GPIHBP1: variants seen among roughly 807,000 people sequenced by gnomAD.
The protein encoded by GPIHBP1 is glycosylphosphatidylinositol anchored high density lipoprotein binding protein 1.
In GPIHBP1, 11 loss-of-function variants were observed where a neutral mutation model predicts 13.0. The ratio of observed to expected loss-of-function variants is 0.84; its 90% CI spans 0.53 to 1.40. The LOEUF (loss-of-function observed/expected upper bound fraction) is 1.40, where lower values mean the gene tolerates loss of function less well. GPIHBP1 is among the 40% of genes most tolerant of loss of function. The pLI is 0.00. For synonymous variants in GPIHBP1, 106 were observed against 102.2 expected, an observed-to-expected ratio of 1.04 and a Z score of -0.22; for missense variants, 231 against 241.1, an observed-to-expected ratio of 0.96 and a Z score of 0.28.
In GPIHBP1 at chr8:143,215,529, C is replaced by CGGG; in HGVS notation, c.*11_*12insGGG. On this transcript the variant is annotated 3_prime_UTR_variant, in exon 4 of 4. Transcript: ENST00000622500. ...GCCAGGAGACCCTGACCCACGGCCC[C>CGGG]TCCCCACCCCCACCCGGCTCACCCC... 3.2e-6 allele frequency: 5 copies of CGGG among 1,557,660 alleles called. No individual in the cohort carries two copies. The highest frequency in any genetic ancestry group is 4.3e-6 in the Non-Finnish European group (5 of 1,153,128).
chr8:143,213,879 A>C lies in GPIHBP1; in HGVS notation c.110A>C (p.Asp37Ala). Residue 37 changes from aspartate (D) to alanine (A), a missense_variant, in exon 2 of 4, where the codon GAC becomes GCC. By Grantham distance (126) the Asp-to-Ala change is moderately radical. Coordinates refer to ENST00000622500, the MANE Select transcript of GPIHBP1 (RefSeq NM_178172.6). Reference sequence around the variant, plus strand: ...GAGGACGAGGACCACGGGCCAGATGACTACGACGAGGAAGATGAGGATGAG... The same window carrying C: ...GAGGACGAGGACCACGGGCCAGATGCCTACGACGAGGAAGATGAGGATGAG... ...EEEDEDHGPDDYDEEDEDEVE... is the reference protein window; with the variant it reads ...EEEDEDHGPDAYDEEDEDEVE... 1 of 1,553,234 alleles carries C rather than the reference A, an allele frequency of 6.4e-7. No homozygotes were observed.
In GPIHBP1 at chr8:143,213,959, G is replaced by A. The variant is rs538422855; in HGVS notation, c.181+9G>A. On this transcript the variant is annotated intron_variant, in intron 2 of 3. Transcript: ENST00000622500. ...TGGTGGCAGGAGCAGAGGTATGGCCGCCCCAACCCCAGAGCCCTGCTGCCT... is the reference window on the plus strand; with the variant it reads ...TGGTGGCAGGAGCAGAGGTATGGCCACCCCAACCCCAGAGCCCTGCTGCCT... 61 of 1,549,960 alleles carry A rather than the reference G, an allele frequency of 3.9e-5. No individual in the cohort carries two copies. The highest frequency in any genetic ancestry group is 1.7e-4 in the South Asian group (14 of 84,016).
In GPIHBP1 at chr8:143,215,636, C is replaced by A; in HGVS notation, c.*118C>A. 2.2e-6 allele frequency: 2 copies of A among 927,234 alleles called. No individual in the cohort carries two copies. Among genetic ancestry groups the A allele is most frequent in the Non-Finnish European group, 3.2e-6 (2 of 628,554 alleles). 57.4% of individuals were successfully genotyped at this position (927,234 alleles called of 1,614,324 possible). ...GAGAATGGATTTGGAGTGTCTTGGG[C>A]GATCCAGCCAGCGCAGGCCCCCCGG... On this transcript the variant is annotated 3_prime_UTR_variant, in exon 4 of 4. Transcript: ENST00000622500.
chr8:143,216,141 G>A lies in GPIHBP1; in HGVS notation c.*623G>A, dbSNP rs1166666633. On this transcript the variant is annotated 3_prime_UTR_variant, in exon 4 of 4. Coordinates refer to ENST00000622500, the MANE Select transcript of GPIHBP1 (RefSeq NM_178172.6). ...TGGGGGGACAGGCACCAAGTATGAA[G>A]AGGATGGGGCCAGCGGGGCCTGTCT... 6.5e-6 allele frequency: 1 copy of A among 153,746 alleles called. No individual in the cohort carries two copies. Among genetic ancestry groups the A allele is most frequent in the East Asian group, 1.9e-4 (1 of 5,174 alleles). 9.5% of individuals were successfully genotyped at this position (153,746 alleles called of 1,614,324 possible). A position where few individuals can be genotyped will look rare whatever the true frequency, so the allele number is the denominator to read the frequency against.
rs751092284 is a variant in GPIHBP1, at chr8:143,215,422, GGC to G, written c.460_461del (p.Ala154ArgfsTer152). On this transcript the variant is annotated frameshift_variant, in exon 4 of 4. Coordinates refer to ENST00000622500, the MANE Select transcript of GPIHBP1 (RefSeq NM_178172.6). LOFTEE classifies it low-confidence loss of function (END_TRUNC). ...GAGTCCAGGACCCAACAGGCAAGGG[GGC>G]AGGCGGCCCCCGGGGCAGCTCCGAA... ...SRVQDPTGKG[A>X]GGPRGSSETV... The G allele has an allele frequency of 3.7e-6, 6 of 1,612,716 alleles. No individual in the cohort carries two copies. The Admixed American group carries it at 6.7e-5, about 18-fold the overall frequency.
In GPIHBP1 at chr8:143,215,616, T is replaced by C. The variant is rs1816296054; in HGVS notation, c.*98T>C. On this transcript the variant is annotated 3_prime_UTR_variant, in exon 4 of 4. Transcript: ENST00000622500. ...CTGCCCCTGCACCAGCTTTGGAGAA[T>C]GGATTTGGAGTGTCTTGGGCGATCC... 2 of 1,101,480 alleles carry C rather than the reference T, an allele frequency of 1.8e-6. No homozygotes were observed. Among genetic ancestry groups the C allele is most frequent in the African/African-American group, 1.6e-5 (1 of 62,994 alleles). 68.2% of individuals were successfully genotyped at this position (1,101,480 alleles called of 1,614,324 possible).
chr8:143,215,756 A>C lies in GPIHBP1; in HGVS notation c.*238A>C. On this transcript the variant is annotated 3_prime_UTR_variant, in exon 4 of 4. Coordinates refer to ENST00000622500, the MANE Select transcript of GPIHBP1 (RefSeq NM_178172.6). ...TGCCGCACGTGGGCGCTGGGTCCAG[A>C]CCTCGGCTGCCACGCCCCAGGACCT... 1.7e-6 allele frequency: 1 copy of C among 582,104 alleles called. No individual in the cohort carries two copies. Among genetic ancestry groups the C allele is most frequent in the Non-Finnish European group, 3.1e-6 (1 of 326,676 alleles). 36.1% of individuals were successfully genotyped at this position (582,104 alleles called of 1,614,324 possible).
In GPIHBP1 at chr8:143,215,506, C is replaced by T. The variant is rs1816293258; in HGVS notation, c.543C>T (p.Ala181=). Reference sequence around the variant, plus strand: ...TTGCCGGCCTTGGAGCAATGGGGGCCAGGAGACCCTGACCCACGGCCCCTC... The same window carrying T: ...TTGCCGGCCTTGGAGCAATGGGGGCTAGGAGACCCTGACCCACGGCCCCTC... ...NLLAGLGAMG[A]RRP Residue 181 remains alanine (A), a synonymous_variant, in exon 4 of 4, where the codon GCC becomes GCT. Coordinates refer to ENST00000622500, the MANE Select transcript of GPIHBP1 (RefSeq NM_178172.6). 1.2e-6 allele frequency: 2 copies of T among 1,602,362 alleles called. No individual in the cohort carries two copies. The highest frequency in any genetic ancestry group is 1.7e-6 in the Non-Finnish European group (2 of 1,176,370).
chr8:143,214,878 G>A lies in GPIHBP1; in HGVS notation c.182-135G>A, dbSNP rs1380713001. ...TACAGGACCAAGTCAGGGGTCGCCC[G>A]CCCATCTGAGCAGTGGGTGCTGGAG... is the stretch of plus-strand genomic sequence containing the variant. On this transcript the variant is annotated intron_variant, in intron 2 of 3. Coordinates refer to ENST00000622500, the MANE Select transcript of GPIHBP1 (RefSeq NM_178172.6). The surrounding 1 kb of genome is among the most constrained non-coding windows in gnomAD (Gnocchi z 4.1). 1.5e-5 allele frequency: 10 copies of A among 651,576 alleles called. No individual in the cohort carries two copies. Among genetic ancestry groups the A allele is most frequent in the Middle Eastern group, 4.0e-4 (1 of 2,524 alleles). The allele number at this position is 651,576 out of a possible 1,614,324, so 40.4% of individuals were successfully genotyped here.
At chr8:143,215,231 A>G (rs1816286102) in intron 3 of GPIHBP1, 28 bp from the exon 4 acceptor site, 1 of 1,612,828 alleles carries the variant, frequency 6.2e-7, no homozygotes, top group Non-Finnish European at 8.5e-7. Flanking sequence ...GCCCATCCTC[A>G]GCACTTGTTC....
intron 1 of GPIHBP1, among the ~76,000 whole-genome samples, chr8:143,213,571 C>T (rs1239372263): frequency 6.7e-6 from 1 of 148,684 alleles, no homozygotes; most frequent in Non-Finnish European, 1.5e-5. Flanking sequence ...GTTGTAACTA[C>T]AATGCCAGGG....
rs1197282909 is a variant in GPIHBP1 at position 143,215,568 on chromosome 8, A to G, written c.*50A>G. The G allele has an allele frequency of 8.8e-6, 12 of 1,361,650 alleles. No individual in the cohort carries two copies. Among genetic ancestry groups the G allele is most frequent in the Non-Finnish European group, 1.2e-5 (12 of 1,021,500 alleles). 84.3% of individuals were successfully genotyped at this position (1,361,650 alleles called of 1,614,324 possible). Reference sequence around the variant, plus strand: ...CCGGCTCACCCCCGGCCCTGCCAGCACTCTGTCTGGTACCTTCCCCTCCTG... The same window carrying G: ...CCGGCTCACCCCCGGCCCTGCCAGCGCTCTGTCTGGTACCTTCCCCTCCTG... On this transcript the variant is annotated 3_prime_UTR_variant, in exon 4 of 4. Coordinates refer to ENST00000622500, the MANE Select transcript of GPIHBP1 (RefSeq NM_178172.6).
rs1279430562 is a variant in GPIHBP1, at chr8:143,214,869, G to A, written c.182-144G>A. The A allele has an allele frequency of 1.6e-6, 1 of 639,138 alleles. No individual in the cohort carries two copies. Among genetic ancestry groups the A allele is most frequent in the Admixed American group, 2.4e-5 (1 of 41,708 alleles). 39.6% of individuals were successfully genotyped at this position (639,138 alleles called of 1,614,324 possible). A position where few individuals can be genotyped will look rare whatever the true frequency, so the allele number is the denominator to read the frequency against. On this transcript the variant is annotated intron_variant, in intron 2 of 3. Transcript: ENST00000622500. The surrounding 1 kb of genome is among the most constrained non-coding windows in gnomAD (Gnocchi z 4.1). Reference sequence around the variant, plus strand: ...AGCACAGCTTACAGGACCAAGTCAGGGGTCGCCCGCCCATCTGAGCAGTGG... The same window carrying A: ...AGCACAGCTTACAGGACCAAGTCAGAGGTCGCCCGCCCATCTGAGCAGTGG...
chr8:143,213,913 G>C lies in GPIHBP1; in HGVS notation c.144G>C (p.Glu48Asp), dbSNP rs758996206. 2 of 1,551,620 alleles carry C rather than the reference G, an allele frequency of 1.3e-6. No homozygotes were observed. Among genetic ancestry groups the C allele is most frequent in the East Asian group, 2.4e-5 (1 of 40,948 alleles). The change falls in exon 2 of 4, where the codon GAG (glutamate) becomes GAC (aspartate). Residue 48 changes from glutamate to aspartate, a missense_variant. Coordinates refer to ENST00000622500, the MANE Select transcript of GPIHBP1 (RefSeq NM_178172.6). The part of the protein sequence containing the change: ...YDEEDEDEVE[E>D]EETNRLPGGR... Reference sequence around the variant, plus strand: ...AGGAAGATGAGGATGAGGTGGAAGAGGAGGAGACCAACAGGCTCCCTGGTG... The same window carrying C: ...AGGAAGATGAGGATGAGGTGGAAGACGAGGAGACCAACAGGCTCCCTGGTG...
rs535207485 is a variant in GPIHBP1, at chr8:143,217,046, A to G, written c.*1528A>G. Reference sequence around the variant, plus strand: ...AGCTCAGCAACCACTTTGCACCATGAGGCAGCACTGAGCACGGTAGGGCAG... The same window carrying G: ...AGCTCAGCAACCACTTTGCACCATGGGGCAGCACTGAGCACGGTAGGGCAG... On this transcript the variant is annotated 3_prime_UTR_variant, in exon 4 of 4. Transcript: ENST00000622500. 1 of 152,318 alleles carries G rather than the reference A, an allele frequency of 6.6e-6. No individual in the cohort carries two copies. Among genetic ancestry groups the G allele is most frequent in the South Asian group, 2.1e-4 (1 of 4,826 alleles). 9.4% of individuals were successfully genotyped at this position (152,318 alleles called of 1,614,324 possible). A position where few individuals can be genotyped will look rare whatever the true frequency, so the allele number is the denominator to read the frequency against.
At chr8:143,213,484 T>C (rs1168252490) in intron 1 of GPIHBP1, among the ~76,000 whole-genome samples, 165 bp downstream of exon 1, 1 of 150,800 alleles carries the variant, frequency 6.6e-6, no homozygotes, top group Non-Finnish European at 1.5e-5. Context: ...TCCCCGAGAG[T>C]CCCCAAATAT....
Position 143,215,431 on chromosome 8 carries a change from C to T in GPIHBP1, c.468C>T (p.Gly156=). The T allele has an allele frequency of 6.2e-7, 1 of 1,612,492 alleles. No individual in the cohort carries two copies. Among genetic ancestry groups the T allele is most frequent in the Non-Finnish European group, 8.5e-7 (1 of 1,179,890 alleles). ...VQDPTGKGAG[G]PRGSSETVGA... is the part of the protein sequence containing the mutation. ...ACCCAACAGGCAAGGGGGCAGGCGG[C>T]CCCCGGGGCAGCTCCGAAACTGTGG... Residue 156 remains glycine (G), a synonymous_variant, in exon 4 of 4, where the codon GGC becomes GGT. Coordinates refer to ENST00000622500, the MANE Select transcript of GPIHBP1 (RefSeq NM_178172.6).
rs1280550211 is a variant in GPIHBP1 at position 143,215,744 on chromosome 8, C to T, written c.*226C>T. 8 of 591,826 alleles carry T rather than the reference C, an allele frequency of 1.4e-5. No individual in the cohort carries two copies. The highest frequency in any genetic ancestry group is 3.0e-5 in the Admixed American group (1 of 33,438). The allele number at this position is 591,826 out of a possible 1,614,324, so 36.7% of individuals were successfully genotyped here. On this transcript the variant is annotated 3_prime_UTR_variant, in exon 4 of 4. Transcript: ENST00000622500. Reference sequence around the variant, plus strand: ...GAGCAGCAAGACTGCCGCACGTGGGCGCTGGGTCCAGACCTCGGCTGCCAC... The same window carrying T: ...GAGCAGCAAGACTGCCGCACGTGGGTGCTGGGTCCAGACCTCGGCTGCCAC...
rs139851434 is a variant in GPIHBP1 at position 143,215,428 on chromosome 8, C to T, written c.465C>T (p.Gly155=). 4.3e-5 allele frequency: 70 copies of T among 1,612,626 alleles called. No homozygotes were observed. Among genetic ancestry groups the T allele is most frequent in the Middle Eastern group, 3.3e-4 (2 of 6,058 alleles). ...RVQDPTGKGA[G]GPRGSSETVG... is the part of the protein sequence containing the mutation. ...AGGACCCAACAGGCAAGGGGGCAGGCGGCCCCCGGGGCAGCTCCGAAACTG... is the reference window on the plus strand; with the variant it reads ...AGGACCCAACAGGCAAGGGGGCAGGTGGCCCCCGGGGCAGCTCCGAAACTG... Residue 155 remains glycine (G), a synonymous_variant, in exon 4 of 4, where the codon GGC becomes GGT. Coordinates refer to ENST00000622500, the MANE Select transcript of GPIHBP1 (RefSeq NM_178172.6).
Sources: gnomAD v4.1 joint callset for allele counts (sites outside exome capture counted in the v4.1 genomes callset) on GRCh38, gnomAD v4.1.1 for gene constraint, Gnocchi (gnomAD v3.1) non-coding constraint, MANE v1.5 for transcripts, NCBI Gene and HGNC (gene_info 2026-07-23, HGNC 2026-07-21) for gene names.